The following GALNT10 variants were observed in gnomAD, a reference collection of about 807,000 sequenced individuals.
The protein encoded by GALNT10 is polypeptide N-acetylgalactosaminyltransferase 10, also known as GalNAc transferase 10.
A neutral mutation model predicts 75.0 loss-of-function variants in GALNT10; 41 were observed. The observed-to-expected ratio is 0.55, with a 90% CI of 0.43 to 0.71. The LOEUF is 0.71. Ranked by LOEUF, GALNT10 falls within the 30% of genes least tolerant of loss-of-function variation. The pLI is 0.00. For synonymous variants in GALNT10, 302 were observed against 313.0 expected (o/e 0.96, Z 0.37); for missense variants, 727 against 818.5 (o/e 0.89, Z 1.36).
intron 1 of GALNT10, among the ~76,000 whole-genome samples, chr5:154,267,854 C>G (rs565922829): frequency 2.0e-5 from 3 of 152,078 alleles, no homozygotes; most frequent in African/African-American, 7.2e-5. Flanking sequence ...ATTTTCCTGC[C>G]TCCTCAGTGA....
chr5:154,227,200 A>G (rs1432173758), intron 1 of GALNT10, among the ~76,000 whole-genome samples: 1 of 152,204 alleles, frequency 6.6e-6, no homozygotes, highest in Non-Finnish European at 1.5e-5. Context: ...TCTTGGGTAA[A>G]TACCCAGGAG....
chr5:154,333,170 T>A (rs1320444493), intron 4 of GALNT10, among the ~76,000 whole-genome samples: 1 of 152,134 alleles, frequency 6.6e-6, no homozygotes, highest in Non-Finnish European at 1.5e-5. Flanking sequence ...GGAGTTACAC[T>A]GCTAAAAGAA....
At chr5:154,272,137 G>T (rs528702611) in intron 1 of GALNT10, among the ~76,000 whole-genome samples, 3 of 152,044 alleles carry the variant, frequency 2.0e-5, no homozygotes, top group Non-Finnish European at 4.4e-5. Flanking sequence ...GTTCCTACCC[G>T]CCCTGGCCTC....
intron 6 of GALNT10, among the ~76,000 whole-genome samples, chr5:154,380,993 A>G (rs953559441): frequency 1.3e-5 from 2 of 152,120 alleles, no homozygotes; most frequent in African/African-American, 4.8e-5. Context: ...CCTCTGATCC[A>G]ATTTAACCCC....
intron 2 of GALNT10, among the ~76,000 whole-genome samples, chr5:154,296,027 T>A (rs1561653285): frequency 6.6e-6 from 1 of 152,142 alleles, no homozygotes; most frequent in Non-Finnish European, 1.5e-5. Flanking sequence ...ATAAGAGAAA[T>A]CTGGAGATGC....
chr5:154,315,736 C>T (rs1754586149), intron 3 of GALNT10, among the ~76,000 whole-genome samples: 1 of 152,218 alleles, frequency 6.6e-6, no homozygotes, highest in South Asian at 2.1e-4. Flanking sequence ...ACTCCTTCTT[C>T]AGCCAGGGCT....
intron 1 of GALNT10, among the ~76,000 whole-genome samples, chr5:154,270,991 CAAA>C (rs5872366): frequency 5.3e-5 from 4 of 76,114 alleles, no homozygotes; most frequent in Middle Eastern, 8.1e-3. Context: ...GATTCCATCT[CAAA>C]AAAAAAAAAA....
At chr5:154,197,043 G>C (rs755801893) in intron 1 of GALNT10, among the ~76,000 whole-genome samples, 1 of 152,156 alleles carries the variant, frequency 6.6e-6, no homozygotes, top group African/African-American at 2.4e-5. Flanking sequence ...CACCGAACCT[G>C]CAGTCTGGAG....
At chr5:154,226,948 T>TA (rs1177473166) in intron 1 of GALNT10, among the ~76,000 whole-genome samples, 2 of 150,736 alleles carry the variant, frequency 1.3e-5, no homozygotes, top group African/African-American at 4.9e-5. Context: ...TATGTACTCT[T>TA]TAAAAAAAAA....
intron 1 of GALNT10, among the ~76,000 whole-genome samples, chr5:154,237,389 T>C (rs72808610): frequency 6.6e-6 from 1 of 151,344 alleles, no homozygotes; most frequent in African/African-American, 2.4e-5. Context: ...AGTTGTGGGG[T>C]TTTTTTTTGT....
At chr5:154,243,209 G>A (rs893860182) in intron 1 of GALNT10, among the ~76,000 whole-genome samples, 4 of 152,196 alleles carry the variant, frequency 2.6e-5, no homozygotes, top group African/African-American at 9.7e-5. Context: ...GATTAGCAGT[G>A]TGCCTGGTAC....
chr5:154,283,139 A>T (rs1487686299), intron 1 of GALNT10, among the ~76,000 whole-genome samples: 1 of 152,030 alleles, frequency 6.6e-6, no homozygotes, highest in East Asian at 1.9e-4. Context: ...ATATCTAAGA[A>T]ATCGTTATAT....
In GALNT10 at chr5:154,201,048, G is replaced by A. The variant is rs1775020398; in HGVS notation, c.159+10023G>A. On this transcript the variant is annotated intron_variant, in intron 1 of 11. Coordinates refer to ENST00000297107, the MANE Select transcript of GALNT10 (RefSeq NM_198321.4). ...CTGAGTTCAGGTTCAAGTTTTGTAA[G>A]AATTTGCTGGATGTGGGAACAGCTG... 2.0e-5 allele frequency among the ~76,000 whole-genome samples: 3 copies of A among 152,088 alleles called. No individual in the cohort carries two copies. In the South Asian group the frequency reaches 6.2e-4, roughly 32 times the overall value.
chr5:154,304,066 G>GA (rs956924905), intron 3 of GALNT10, among the ~76,000 whole-genome samples: 35 of 151,648 alleles, frequency 2.3e-4, no homozygotes, highest in Non-Finnish European at 4.3e-4. Flanking sequence ...GATATTGCTG[G>GA]AAAAAAAAGA....
At chr5:154,236,320 T>C (rs1299814822) in intron 1 of GALNT10, among the ~76,000 whole-genome samples, 13 of 152,336 alleles carry the variant, frequency 8.5e-5, no homozygotes. Flanking sequence ...CCCAGCTCAG[T>C]GCCTGACCCA....
chr5:154,350,762 C>G (rs1245443105), intron 4 of GALNT10, among the ~76,000 whole-genome samples: 1 of 152,148 alleles, frequency 6.6e-6, no homozygotes, highest in African/African-American at 2.4e-5. Flanking sequence ...CTCGCTCCCG[C>G]ACACCGCTAG....
chr5:154,219,270 C>T (rs1389167753), intron 1 of GALNT10, among the ~76,000 whole-genome samples: 3 of 152,218 alleles, frequency 2.0e-5, no homozygotes, highest in Admixed American at 2.0e-4. Context: ...GACATCATCT[C>T]CCCCAGCAAG....
chr5:154,317,966 C>T (rs1177422933), intron 3 of GALNT10, among the ~76,000 whole-genome samples: 1 of 152,208 alleles, frequency 6.6e-6, no homozygotes, highest in Admixed American at 6.5e-5. Context: ...TATATCCTCC[C>T]ATGTTCAATC....
At chr5:154,290,285 T>G (rs13157172) in intron 1 of GALNT10, among the ~76,000 whole-genome samples, 4 of 134,236 alleles carry the variant, frequency 3.0e-5, no homozygotes, top group African/African-American at 1.2e-4. Flanking sequence ...TTTTTTTTTG[T>G]ATTTTTAGTA....
Sources: allele counts gnomAD v4.1 joint callset (sites outside exome capture counted in the v4.1 genomes callset), GRCh38; gene constraint gnomAD v4.1.1; transcripts MANE v1.5; gene names NCBI Gene and HGNC (gene_info 2026-07-23, HGNC 2026-07-21).